The following UNC13C variants were observed in gnomAD, a reference collection of about 807,000 sequenced individuals.
UNC13C encodes unc-13 homolog C.
Under a neutral mutation model 245.4 loss-of-function variants are expected in UNC13C, and 174 were observed. The observed-to-expected ratio is 0.71, with a 90% CI of 0.63 to 0.80. The LOEUF (loss-of-function observed/expected upper bound fraction) is 0.80, where lower values mean the gene tolerates loss of function less well. Ranked by LOEUF, UNC13C falls within the 30% of genes least tolerant of loss-of-function variation. The probability of loss-of-function intolerance (pLI) is 0.00; values close to 1 mark genes in which losing one functional copy is unlikely to be tolerated. For missense variants in UNC13C, 2,829 were observed against 2,602.9 expected, an observed-to-expected ratio of 1.09 and a Z score of -1.89; for synonymous variants, 992 against 895.1, an observed-to-expected ratio of 1.11 and a Z score of -1.93.
intron 4 of UNC13C, among the ~76,000 whole-genome samples, chr15:54,185,040 G>A (rs1028889472): frequency 2.0e-5 from 3 of 152,116 alleles, no homozygotes; most frequent in Admixed American, 6.5e-5. Context: ...ATTTTTTCAT[G>A]TGTTTTTTGG....
intron 30 of UNC13C, among the ~76,000 whole-genome samples, chr15:54,614,327 C>T (rs933590105): frequency 6.6e-6 from 1 of 151,934 alleles, no homozygotes; most frequent in Non-Finnish European, 1.5e-5. Context: ...TTGTCATGAG[C>T]ATCTCTGAGC....
the UNC13C span, among the ~76,000 whole-genome samples, chr15:53,861,139 C>T: frequency 6.6e-6 from 1 of 152,034 alleles, no homozygotes; most frequent in Admixed American, 6.6e-5. Flanking sequence ...ATTATTTGCA[C>T]ATTTGGTTTA....
intron 19 of UNC13C, among the ~76,000 whole-genome samples, chr15:54,452,868 T>G (rs1363699123): frequency 6.6e-6 from 1 of 152,152 alleles, no homozygotes; most frequent in Non-Finnish European, 1.5e-5. Context: ...CAGCCCTTCT[T>G]TCTGGGAAAA....
chr15:53,899,443 G>A, the UNC13C span, among the ~76,000 whole-genome samples: 76 of 152,168 alleles, frequency 5.0e-4, no homozygotes, highest in African/African-American at 1.8e-3. Context: ...TCAAAAGCAT[G>A]CAGTAGCTTT....
chr15:54,495,048 T>C (rs950837257), intron 20 of UNC13C, among the ~76,000 whole-genome samples: 2 of 151,998 alleles, frequency 1.3e-5, no homozygotes, highest in Non-Finnish European at 2.9e-5. Context: ...TTGGGGAAAG[T>C]ATGGTGCTTG....
intron 17 of UNC13C, among the ~76,000 whole-genome samples, chr15:54,370,722 GT>G (rs1253802545): frequency 2.0e-5 from 3 of 152,002 alleles, no homozygotes; most frequent in African/African-American, 7.2e-5. Flanking sequence ...GAGATTTCTG[GT>G]TTTTTGACCT....
At chr15:54,297,972 T>C (rs933824482) in intron 12 of UNC13C, 46 bp downstream of exon 12, 15 of 1,239,100 alleles carry the variant, frequency 1.2e-5, no homozygotes, top group Middle Eastern at 2.6e-4. Flanking sequence ...GAAATGTTCT[T>C]GATTATGGAT....
rs375825768 is a variant in UNC13C, at chr15:54,127,257, T to C, written c.2984-15761T>C. Among the ~76,000 whole-genome samples the C allele has an allele frequency of 1.3e-4, 20 of 152,242 alleles. No individual in the cohort carries two copies. In the East Asian group the frequency reaches 3.5e-3, roughly 26 times the overall value. On this transcript the variant is annotated intron_variant, in intron 2 of 32. Transcript: ENST00000260323. ...TCTACGATAAAGACACATGCACACA[T>C]ATGTTTATTGTAGCACTGTTCATGA...
At chr15:54,255,364 C>T (rs1256030782) in intron 8 of UNC13C, among the ~76,000 whole-genome samples, 1 of 152,138 alleles carries the variant, frequency 6.6e-6, no homozygotes, top group African/African-American at 2.4e-5. Flanking sequence ...ATGGTTTTCC[C>T]TGGAGTCAGG....
the UNC13C span, among the ~76,000 whole-genome samples, chr15:53,964,565 G>A: frequency 5.3e-5 from 8 of 152,206 alleles, no homozygotes; most frequent in Admixed American, 3.3e-4. Flanking sequence ...GGCAAAAACT[G>A]CAATTACTTT....
At chr15:54,269,038 T>C (rs1356267467) in intron 10 of UNC13C, among the ~76,000 whole-genome samples, 1 of 151,054 alleles carries the variant, frequency 6.6e-6, no homozygotes, top group Admixed American at 6.6e-5. Flanking sequence ...TGGTTTCTTT[T>C]TTTTTTTAAT....
chr15:54,245,382 A>G (rs936037855), intron 7 of UNC13C, among the ~76,000 whole-genome samples: 3 of 152,130 alleles, frequency 2.0e-5, no homozygotes, highest in Admixed American at 6.6e-5. Context: ...GACTCACCCC[A>G]TAAGTTTCTT....
At chr15:54,431,083 T>A (rs1443667679) in intron 19 of UNC13C, among the ~76,000 whole-genome samples, 3 of 151,774 alleles carry the variant, frequency 2.0e-5, no homozygotes, top group Non-Finnish European at 4.4e-5. Flanking sequence ...CAATCAAGAA[T>A]ATTCAGAATA....
At chr15:53,876,160 T>G in the UNC13C span, among the ~76,000 whole-genome samples, 1 of 152,252 alleles carries the variant, frequency 6.6e-6, no homozygotes, top group South Asian at 2.1e-4. Flanking sequence ...TTTTAGCTTT[T>G]GCTCATGTTG....
intron 4 of UNC13C, among the ~76,000 whole-genome samples, chr15:54,167,370 T>C (rs181614564): frequency 0.17 from 24,940 of 150,164 alleles, 2,561 homozygotes; most frequent in East Asian, 0.24. Context: ...GGCGTGATGG[T>C]GGGCGCCTGT....
intron 30 of UNC13C, among the ~76,000 whole-genome samples, chr15:54,592,053 C>A (rs1401248247): frequency 6.6e-6 from 1 of 152,050 alleles, no homozygotes; most frequent in East Asian, 1.9e-4. Context: ...TCATTTTTGA[C>A]CCAATGCTCA....
At chr15:54,543,245 C>A (rs1005482457) in intron 26 of UNC13C, among the ~76,000 whole-genome samples, 7 of 152,074 alleles carry the variant, frequency 4.6e-5, no homozygotes, top group Non-Finnish European at 7.4e-5. Context: ...TTTTATGTCT[C>A]CTTCACTAAC....
intron 4 of UNC13C, among the ~76,000 whole-genome samples, chr15:54,179,046 C>A (rs1273595051): frequency 6.6e-6 from 1 of 152,132 alleles, no homozygotes; most frequent in South Asian, 2.1e-4. Flanking sequence ...GAAGAGGAAG[C>A]TTGGAACATG....
At chr15:54,510,012 A>G (rs887494392) in intron 23 of UNC13C, among the ~76,000 whole-genome samples, 4 of 152,150 alleles carry the variant, frequency 2.6e-5, no homozygotes, top group African/African-American at 9.7e-5. Context: ...GCTCTTTTTC[A>G]TCAGAAATCA....
Sources: gnomAD v4.1 joint callset for allele counts (sites outside exome capture counted in the v4.1 genomes callset) on GRCh38, gnomAD v4.1.1 for gene constraint, MANE v1.5 for transcripts, NCBI Gene and HGNC (gene_info 2026-07-23, HGNC 2026-07-21) for gene names.